CDKAL1: variants seen among roughly 807,000 people sequenced by gnomAD.
The protein encoded by CDKAL1 is CDKAL1 threonylcarbamoyladenosine tRNA methylthiotransferase.
In CDKAL1, 32 loss-of-function variants were observed where a neutral mutation model predicts 68.2. The observed-to-expected ratio is 0.47, with a 90% CI of 0.35 to 0.63. CDKAL1 has a LOEUF of 0.63. Among genes scored for constraint, CDKAL1 ranks in the 30% least tolerant of loss-of-function variants. The pLI is 0.00. For synonymous variants in CDKAL1, 234 were observed against 244.3 expected (o/e 0.96, Z 0.39); for missense variants, 606 against 696.7 (o/e 0.87, Z 1.47).
intron 7 of CDKAL1, among the ~76,000 whole-genome samples, chr6:20,770,136 T>C (rs770087470): frequency 2.0e-5 from 3 of 152,164 alleles, no homozygotes; most frequent in Non-Finnish European, 4.4e-5. Context: ...CATAAAACAT[T>C]CTTTTGTAAG....
chr6:21,223,846 C>A (rs1007618701), intron 15 of CDKAL1, among the ~76,000 whole-genome samples: 1 of 152,186 alleles, frequency 6.6e-6, no homozygotes, highest in African/African-American at 2.4e-5. Flanking sequence ...GCAGCTAGCT[C>A]AGCAAGTCTG....
intron 4 of CDKAL1, among the ~76,000 whole-genome samples, chr6:20,638,924 G>T (rs955916918): frequency 1.3e-5 from 2 of 151,984 alleles, no homozygotes; most frequent in African/African-American, 4.8e-5. Flanking sequence ...GAACCACCGC[G>T]CCCGGCCTAG....
intron 7 of CDKAL1, among the ~76,000 whole-genome samples, chr6:20,777,670 A>G (rs1775231004): frequency 6.6e-6 from 1 of 152,072 alleles, no homozygotes; most frequent in Non-Finnish European, 1.5e-5. Context: ...TAATTATAGC[A>G]CCATATTTTT....
Position 20,679,628 on chromosome 6 carries a change from G to C in CDKAL1, c.371+30251G>C, listed in dbSNP as rs914301409. ...TTGTGTGTTAAAAACTTTTTATATA[G>C]CCTTGAAACTTGAAGGATACCTTGG... On this transcript the variant is annotated intron_variant, in intron 5 of 15. Coordinates refer to ENST00000274695, the MANE Select transcript of CDKAL1 (RefSeq NM_017774.3). 4.6e-5 allele frequency among the ~76,000 whole-genome samples: 7 copies of C among 152,082 alleles called. No individual in the cohort carries two copies. In the East Asian group the frequency reaches 1.2e-3, roughly 25 times the overall value.
chr6:20,741,239 C>CA (rs765439581), intron 6 of CDKAL1, among the ~76,000 whole-genome samples: 1 of 151,956 alleles, frequency 6.6e-6, no homozygotes, highest in Non-Finnish European at 1.5e-5. Flanking sequence ...TCAGGGCCGA[C>CA]ACAAAGCTGT....
At chr6:20,723,096 C>CT (rs1319052548) in intron 5 of CDKAL1, among the ~76,000 whole-genome samples, 1 of 152,172 alleles carries the variant, frequency 6.6e-6, no homozygotes. Context: ...GCCCTTTGCC[C>CT]TTTCCAGTGG....
chr6:20,577,135 G>C (rs927495563), intron 4 of CDKAL1, among the ~76,000 whole-genome samples: 3 of 152,122 alleles, frequency 2.0e-5, no homozygotes, highest in African/African-American at 7.2e-5. Flanking sequence ...GACCGCAAGC[G>C]ATCGGTTGTG....
intron 4 of CDKAL1, among the ~76,000 whole-genome samples, chr6:20,585,218 AT>A (rs1276043409): frequency 6.6e-6 from 1 of 150,806 alleles, no homozygotes; most frequent in African/African-American, 2.4e-5. Context: ...CACCATGCTA[AT>A]TTTTTTTTAT....
At chr6:20,768,228 A>G (rs146283610) in intron 7 of CDKAL1, among the ~76,000 whole-genome samples, 7 of 152,296 alleles carry the variant, frequency 4.6e-5, no homozygotes, top group East Asian at 1.9e-4. Context: ...ACTACTAACA[A>G]TGCTATCTTT....
At chr6:20,603,922 G>A (rs1056794443) in intron 4 of CDKAL1, among the ~76,000 whole-genome samples, 6 of 151,304 alleles carry the variant, frequency 4.0e-5, no homozygotes, top group African/African-American at 1.2e-4. Flanking sequence ...GATTACAGGC[G>A]CTTGCCACCA....
intron 8 of CDKAL1, among the ~76,000 whole-genome samples, chr6:20,787,304 A>T (rs1775716340): frequency 6.6e-6 from 1 of 152,218 alleles, no homozygotes; most frequent in Non-Finnish European, 1.5e-5. Context: ...GCTTTGCGAA[A>T]ACTAACTCAT....
intron 8 of CDKAL1, among the ~76,000 whole-genome samples, chr6:20,836,000 C>A (rs1429212695): frequency 6.6e-6 from 1 of 152,144 alleles, no homozygotes; most frequent in Non-Finnish European, 1.5e-5. Flanking sequence ...CCTTTCTCTT[C>A]TCCTTCCTTC....
At chr6:20,987,236 T>C (rs1766517243) in intron 10 of CDKAL1, among the ~76,000 whole-genome samples, 6 of 152,040 alleles carry the variant, frequency 3.9e-5, no homozygotes, top group Admixed American at 2.0e-4. Context: ...ATTAAACCTA[T>C]GTTATCTTTG....
At chr6:21,025,957 T>G (rs905970508) in intron 11 of CDKAL1, among the ~76,000 whole-genome samples, 4 of 152,210 alleles carry the variant, frequency 2.6e-5, no homozygotes, top group East Asian at 3.8e-4. Context: ...CATCATTGTT[T>G]TGAATGAACA....
chr6:20,571,579 A>C (rs1213397488), intron 4 of CDKAL1, among the ~76,000 whole-genome samples: 3 of 152,126 alleles, frequency 2.0e-5, no homozygotes, highest in African/African-American at 4.8e-5. Flanking sequence ...CTGTAAAAAC[A>C]TAGTTTATAT....
chr6:20,752,794 A>T (rs1773983379), intron 6 of CDKAL1, among the ~76,000 whole-genome samples: 1 of 152,182 alleles, frequency 6.6e-6, no homozygotes, highest in African/African-American at 2.4e-5. Context: ...AATATTATAA[A>T]CTAGTGTATT....
intron 2 of CDKAL1, among the ~76,000 whole-genome samples, chr6:20,545,093 G>A (rs1763545676): frequency 6.6e-6 from 1 of 151,798 alleles, no homozygotes; most frequent in Non-Finnish European, 1.5e-5. Context: ...GGCTTTTATT[G>A]GGGGGTTTTA....
At chr6:20,925,040 G>A (rs1285836306) in intron 9 of CDKAL1, among the ~76,000 whole-genome samples, 1 of 152,166 alleles carries the variant, frequency 6.6e-6, no homozygotes, top group Non-Finnish European at 1.5e-5. Context: ...TTTTGTGGAA[G>A]GAAGAATCAA....
chr6:21,174,925 A>G (rs566632058), intron 13 of CDKAL1, among the ~76,000 whole-genome samples: 2 of 152,320 alleles, frequency 1.3e-5, no homozygotes, highest in African/African-American at 4.8e-5. Flanking sequence ...TCTTCATTAT[A>G]TGGCCTCCTG....
Sources: gnomAD v4.1 joint callset for allele counts (sites outside exome capture counted in the v4.1 genomes callset) on GRCh38, gnomAD v4.1.1 for gene constraint, MANE v1.5 for transcripts, NCBI Gene and HGNC (gene_info 2026-07-23, HGNC 2026-07-21) for gene names.